The following RNLS variants were observed in gnomAD, a reference collection of about 807,000 sequenced individuals.
RNLS encodes renalase, FAD dependent amine oxidase.
In RNLS, 39 loss-of-function variants were observed where a neutral mutation model predicts 39.8. The observed-to-expected ratio is 0.98, with a 90% CI of 0.76 to 1.28. The LOEUF is 1.28. Ranked by LOEUF, RNLS falls within the 50% of genes most tolerant of loss-of-function variation. The probability of loss-of-function intolerance (pLI) is 0.00; values close to 1 mark genes in which losing one functional copy is unlikely to be tolerated. For synonymous variants in RNLS, 147 were observed against 150.7 expected, an observed-to-expected ratio of 0.98 and a Z score of 0.18; for missense variants, 410 against 413.3, an observed-to-expected ratio of 0.99 and a Z score of 0.07.
At chr10:88,451,416 C>T (rs1174087412) in intron 4 of RNLS, among the ~76,000 whole-genome samples, 1 of 152,072 alleles carries the variant, frequency 6.6e-6, no homozygotes, top group Non-Finnish European at 1.5e-5. Flanking sequence ...ACGTCTAGAG[C>T]CCAGGTTTTG....
At chr10:88,189,586 C>G in the RNLS span, among the ~76,000 whole-genome samples, 1 of 152,200 alleles carries the variant, frequency 6.6e-6, no homozygotes, top group Admixed American at 6.5e-5. Flanking sequence ...GGGACGCTTT[C>G]TTATGCCAGG....
chr10:88,550,766 T>C (rs1848570341), intron 4 of RNLS, among the ~76,000 whole-genome samples: 1 of 152,202 alleles, frequency 6.6e-6, no homozygotes, highest in Non-Finnish European at 1.5e-5. Flanking sequence ...TAATTCACAC[T>C]TCAAACAGCA....
rs112004939 is a variant in RNLS, at chr10:88,514,003, G to A, written c.526+58900C>T. ...TTTCTTTTGGGTACAACGTTCTATCGATAATACCTTCTATTTATTTGTCTT... is the reference window on the plus strand; with the variant it reads ...TTTCTTTTGGGTACAACGTTCTATCAATAATACCTTCTATTTATTTGTCTT... On this transcript the variant is annotated intron_variant, in intron 4 of 6. Transcript: ENST00000331772. Among the ~76,000 whole-genome samples the A allele has an allele frequency of 1.6e-4, 24 of 150,858 alleles. 1 individual carries two copies. The highest frequency in any genetic ancestry group is 4.9e-4 in the African/African-American group (20 of 41,018).
rs189659417 is a variant in RNLS, at chr10:88,562,781, T to C, written c.526+10122A>G. On this transcript the variant is annotated intron_variant, in intron 4 of 6. Coordinates refer to ENST00000331772, the MANE Select transcript of RNLS (RefSeq NM_001031709.3). ...TCATCTATCAAAAGAAAAAAATAAA[T>C]AGTAGATACCAACGGAAAAGATAAC... is the stretch of plus-strand genomic sequence containing the variant. 7.9e-3 allele frequency among the ~76,000 whole-genome samples: 1,208 copies of C among 152,112 alleles called. 9 individuals carry two copies. Among genetic ancestry groups the C allele is most frequent in the Non-Finnish European group, 9.3e-3 (632 of 67,970 alleles).
At chr10:88,441,190 G>A (rs1177191298) in intron 4 of RNLS, among the ~76,000 whole-genome samples, 1 of 152,044 alleles carries the variant, frequency 6.6e-6, no homozygotes, top group Non-Finnish European at 1.5e-5. Context: ...CGTGCTTTTG[G>A]GAACCCATGG....
rs549082853 is a variant in RNLS at position 88,480,524 on chromosome 10, C to T, written c.526+92379G>A. Reference sequence around the variant, plus strand: ...ACAACCTCTGCCTCCCGGCTTCAAGCGATTCTCCTGCCTCAGCCTCCCAAG... The same window carrying T: ...ACAACCTCTGCCTCCCGGCTTCAAGTGATTCTCCTGCCTCAGCCTCCCAAG... On this transcript the variant is annotated intron_variant, in intron 4 of 6. Transcript: ENST00000331772. 1.1e-4 allele frequency among the ~76,000 whole-genome samples: 17 copies of T among 152,302 alleles called. No individual in the cohort carries two copies. In the South Asian group the frequency reaches 2.3e-3, roughly 20 times the overall value.
At chr10:88,314,722 A>C in intron 5 of RNLS, 81 bp from the exon 6 acceptor site, 1 of 1,204,694 alleles carries the variant, frequency 8.3e-7, no homozygotes, top group Non-Finnish European at 1.2e-6. Flanking sequence ...TTCAGACTTA[A>C]GAACTGATCA....
intron 4 of RNLS, among the ~76,000 whole-genome samples, chr10:88,387,502 C>CAAAAAAA (rs5786817): frequency 1.4e-5 from 1 of 70,112 alleles, no homozygotes; most frequent in African/African-American, 6.2e-5. Context: ...GAGAACAGAG[C>CAAAAAAA]AAAAAAAAAA....
chr10:88,305,410 A>T (rs940736315), intron 6 of RNLS, among the ~76,000 whole-genome samples: 6 of 152,234 alleles, frequency 3.9e-5, no homozygotes, highest in Non-Finnish European at 8.8e-5. Flanking sequence ...GGCAAGCTGG[A>T]TAAAAAACCA....
intron 4 of RNLS, among the ~76,000 whole-genome samples, chr10:88,397,264 AG>A (rs1356091452): frequency 7.2e-5 from 11 of 152,018 alleles, no homozygotes; most frequent in Non-Finnish European, 1.5e-5. Flanking sequence ...AATGATAAAA[AG>A]CATGTTCCCT....
chr10:88,199,621 AG>A, the RNLS span, among the ~76,000 whole-genome samples: 1 of 152,206 alleles, frequency 6.6e-6, no homozygotes, highest in Non-Finnish European at 1.5e-5. Context: ...ATGCCAGTGC[AG>A]GACGAAGACA....
intron 6 of RNLS, among the ~76,000 whole-genome samples, chr10:88,304,623 T>A (rs1181758052): frequency 1.3e-5 from 2 of 151,978 alleles, no homozygotes; most frequent in Non-Finnish European, 2.9e-5. Context: ...TGAAATAAGA[T>A]GGTCAGGCAA....
intron 5 of RNLS, among the ~76,000 whole-genome samples, chr10:88,320,561 C>A (rs1846110851): frequency 6.8e-6 from 1 of 148,082 alleles, no homozygotes; most frequent in South Asian, 2.2e-4. Context: ...CAATGTCACA[C>A]ATTATGACAG....
chr10:88,440,244 G>A (rs1262217954), intron 4 of RNLS, among the ~76,000 whole-genome samples: 1 of 152,142 alleles, frequency 6.6e-6, no homozygotes, highest in Admixed American at 6.5e-5. Context: ...GATACACAGT[G>A]CTTTAGGCTA....
At chr10:88,374,470 C>A (rs1850805586) in intron 4 of RNLS, among the ~76,000 whole-genome samples, 1 of 152,112 alleles carries the variant, frequency 6.6e-6, no homozygotes, top group Admixed American at 6.6e-5. Context: ...ATGGTTTTCC[C>A]ATTTTTAGAG....
the RNLS span, among the ~76,000 whole-genome samples, chr10:88,247,728 A>C: frequency 6.6e-6 from 1 of 152,218 alleles, no homozygotes; most frequent in Non-Finnish European, 1.5e-5. Flanking sequence ...TGTGGAATTA[A>C]GTTTGCAGAT....
At chr10:88,571,932 C>T (rs1165758181) in intron 4 of RNLS, among the ~76,000 whole-genome samples, 2 of 152,210 alleles carry the variant, frequency 1.3e-5, no homozygotes, top group African/African-American at 2.4e-5. Flanking sequence ...AGTGCAAATT[C>T]TACCACTGCC....
chr10:88,577,799 A>T (rs373188653), intron 3 of RNLS, among the ~76,000 whole-genome samples: 2 of 152,174 alleles, frequency 1.3e-5, no homozygotes, highest in Non-Finnish European at 2.9e-5. Flanking sequence ...AATAGAACAT[A>T]AGGTCAAGAA....
intron 4 of RNLS, among the ~76,000 whole-genome samples, chr10:88,408,625 C>T (rs1853443478): frequency 6.6e-6 from 1 of 151,968 alleles, no homozygotes; most frequent in South Asian, 2.1e-4. Flanking sequence ...TACAGAAACC[C>T]AAATGAACTA....
Sources: allele counts gnomAD v4.1 joint callset (sites outside exome capture counted in the v4.1 genomes callset), GRCh38; gene constraint gnomAD v4.1.1; transcripts MANE v1.5; gene names NCBI Gene and HGNC (gene_info 2026-07-23, HGNC 2026-07-21).